Variants in JARID2 observed in about 807,000 individuals in gnomAD.
JARID2 encodes protein Jumonji.
Under a neutral mutation model 125.6 loss-of-function variants are expected in JARID2, and 21 were observed. The ratio of observed to expected loss-of-function variants is 0.17; its 90% CI spans 0.12 to 0.24. The LOEUF is 0.24. JARID2 is among the 10% of genes least tolerant of loss of function. The pLI is 1.00. For missense variants in JARID2, 1,303 were observed against 1,639.6 expected (o/e 0.79, Z 3.55); for synonymous variants, 736 against 661.6 (o/e 1.11, Z -1.73).
At chr6:15,438,623 G>A (rs931762008) in intron 3 of JARID2, among the ~76,000 whole-genome samples, 4 of 152,198 alleles carry the variant, frequency 2.6e-5, no homozygotes, top group Non-Finnish European at 5.9e-5. Context: ...TTAGGCAAAT[G>A]TTATCCTTTC....
At chr6:15,254,877 TA>T (rs1366772041) in intron 1 of JARID2, among the ~76,000 whole-genome samples, 1 of 151,600 alleles carries the variant, frequency 6.6e-6, no homozygotes, top group Non-Finnish European at 1.5e-5. Flanking sequence ...CCGTCTCTAC[TA>T]AAAATGCAAA....
intron 1 of JARID2, chr6:15,248,707 G>GT (rs1330833485): frequency 1.2e-5 from 2 of 160,896 alleles, no homozygotes; most frequent in African/African-American, 4.8e-5. Context: ...GCGGCGCTCG[G>GT]TTCCCCGACG....
chr6:15,313,756 A>G (rs1315517924), intron 1 of JARID2, among the ~76,000 whole-genome samples: 1 of 152,216 alleles, frequency 6.6e-6, no homozygotes, highest in Non-Finnish European at 1.5e-5. Flanking sequence ...CTGCATTTTA[A>G]GCACCAATTA....
At chr6:15,332,930 CTTTTCTTTTTTTTT>C (rs1291593090) in intron 1 of JARID2, among the ~76,000 whole-genome samples, 15 of 82,818 alleles carry the variant, frequency 1.8e-4, no homozygotes, top group African/African-American at 5.8e-4. Context: ...CTTTTCTTTT[CTTTTCTTTTTTTTT>C]TTTTTTTTTT....
chr6:15,468,506 G>A (rs749419798), intron 4 of JARID2, 36 bp from the exon 5 acceptor site: 2 of 1,587,004 alleles, frequency 1.3e-6, no homozygotes, highest in African/African-American at 1.4e-5. Flanking sequence ...GAGGGTCAAG[G>A]CCTGTGTTTA....
intron 1 of JARID2, among the ~76,000 whole-genome samples, chr6:15,294,397 T>C (rs1427714523): frequency 1.3e-5 from 2 of 152,226 alleles, no homozygotes; most frequent in East Asian, 3.8e-4. Flanking sequence ...TTTCACCGTG[T>C]TAGCCAGGAT....
chr6:15,457,381 T>G (rs1768235220), intron 4 of JARID2, among the ~76,000 whole-genome samples: 2 of 152,206 alleles, frequency 1.3e-5, no homozygotes, highest in Non-Finnish European at 2.9e-5. Flanking sequence ...TTCGTGCTGA[T>G]TCCAAAGCAA....
Position 15,496,372 on chromosome 6 carries a change from A to G in JARID2, c.1147A>G (p.Asn383Asp), listed in dbSNP as rs758014536. 6.2e-7 allele frequency: 1 copy of G among 1,614,182 alleles called. No individual in the cohort carries two copies. The highest frequency in any genetic ancestry group is 8.5e-7 in the Non-Finnish European group (1 of 1,180,038). Residue 383 changes from asparagine (N) to aspartate (D), a missense_variant, in exon 7 of 18, where the codon AAT becomes GAT. Asn to Asp is a conservative substitution (Grantham distance 23). Coordinates refer to ENST00000341776, the MANE Select transcript of JARID2 (RefSeq NM_004973.4). The stretch of plus-strand genomic sequence containing the variant: ...AATCTCAGGGAAAACTGAAAGTAGC[A>G]ATGCAAAAACCCGCAAACAGGTGCT... ...HTISGKTESS[N>D]AKTRKQVLSL...
At chr6:15,504,658 T>A in intron 9 of JARID2, 66 bp downstream of exon 9, 1 of 1,031,646 alleles carries the variant, frequency 9.7e-7, no homozygotes, top group Non-Finnish European at 1.5e-6. Context: ...CTGGAGGACA[T>A]CCTGTCCTGC....
At chr6:15,515,224 A>G (rs138326455) in intron 16 of JARID2, among the ~76,000 whole-genome samples, 5 of 151,444 alleles carry the variant, frequency 3.3e-5, no homozygotes, top group Non-Finnish European at 7.4e-5. Context: ...TTTTTGTGGT[A>G]GAGATGGGGT....
intron 1 of JARID2, chr6:15,314,899 CCT>C (rs1762129033): frequency 2.0e-5 from 3 of 152,148 alleles, no homozygotes. Flanking sequence ...TATAGAAAAG[CCT>C]TTCAGAAGAT....
chr6:15,279,091 C>CAAA (rs35041079), intron 1 of JARID2, among the ~76,000 whole-genome samples: 1 of 110,514 alleles, frequency 9.0e-6, no homozygotes, highest in Non-Finnish European at 1.8e-5. Flanking sequence ...ACTGTGTCTC[C>CAAA]AAAAAAAAAA....
chr6:15,270,521 G>T (rs999701581), intron 1 of JARID2, among the ~76,000 whole-genome samples: 4 of 152,180 alleles, frequency 2.6e-5, no homozygotes, highest in African/African-American at 9.7e-5. Flanking sequence ...CATAGAATGG[G>T]TACTTTATTT....
intron 1 of JARID2, among the ~76,000 whole-genome samples, chr6:15,281,924 C>CTGTGTGTGTGTGTGTGTGTG (rs3138771): frequency 1.4e-5 from 2 of 146,162 alleles, no homozygotes; most frequent in African/African-American, 5.1e-5. Flanking sequence ...GGTATGTGCT[C>CTGTGTGTGTGTGTGTGTGTG]TGTGTGTGTG....
At chr6:15,287,845 A>G (rs1050686936) in intron 1 of JARID2, among the ~76,000 whole-genome samples, 1 of 152,186 alleles carries the variant, frequency 6.6e-6, no homozygotes, top group Non-Finnish European at 1.5e-5. Context: ...GACATTTATG[A>G]AAAGCATTGT....
chr6:15,347,660 A>T (rs1032809667), intron 1 of JARID2, among the ~76,000 whole-genome samples: 2 of 152,216 alleles, frequency 1.3e-5, no homozygotes, highest in African/African-American at 4.8e-5. Flanking sequence ...GGGTTTAAAC[A>T]TTTCCACTTT....
chr6:15,331,519 T>C (rs1762709988), intron 1 of JARID2, among the ~76,000 whole-genome samples: 1 of 152,164 alleles, frequency 6.6e-6, no homozygotes, highest in Non-Finnish European at 1.5e-5. Context: ...ACCTGTAGAA[T>C]GTAGAACACA....
chr6:15,445,792 C>T (rs1004485450), intron 3 of JARID2, among the ~76,000 whole-genome samples: 1 of 152,170 alleles, frequency 6.6e-6, no homozygotes, highest in South Asian at 2.1e-4. Context: ...TTGGCTTCTG[C>T]GAGATGATGG....
At chr6:15,374,406 G>T (rs773148780) in intron 2 of JARID2, among the ~76,000 whole-genome samples, 154 bp downstream of exon 2, 3 of 152,258 alleles carry the variant, frequency 2.0e-5, no homozygotes, top group Admixed American at 1.3e-4. Flanking sequence ...CAGACATCCT[G>T]TTGGGTTTAT....
Sources: gnomAD v4.1 joint callset for allele counts (sites outside exome capture counted in the v4.1 genomes callset) on GRCh38, gnomAD v4.1.1 for gene constraint, MANE v1.5 for transcripts, NCBI Gene and HGNC (gene_info 2026-07-23, HGNC 2026-07-21) for gene names.